CAPN1: variants seen among roughly 807,000 people sequenced by gnomAD.
CAPN1 encodes the protein calpain-1 catalytic subunit.
In CAPN1, 77 loss-of-function variants were observed where a neutral mutation model predicts 105.2. That is an observed-to-expected ratio of 0.73 (90% confidence interval 0.61 to 0.88). CAPN1 has a LOEUF of 0.88. Among genes scored for constraint, CAPN1 ranks in the 40% least tolerant of loss-of-function variants. The pLI, the probability that CAPN1 is intolerant of heterozygous loss-of-function variation, is 0.00. For missense variants in CAPN1, 833 were observed against 976.6 expected (o/e 0.85, Z 1.96); for synonymous variants, 355 against 388.8 (o/e 0.91, Z 1.02).
chr11:65,188,663 G>A lies in CAPN1; in HGVS notation c.1082G>A (p.Arg361Gln), dbSNP rs777274863. The change falls in exon 10 of 22, where the codon CGG (arginine) becomes CAG (glutamine). Residue 361 changes from arginine to glutamine, a missense_variant. Transcript: ENST00000279247. This position sits in a 1 kb window ranked among gnomAD's most constrained non-coding sequence, Gnocchi z 5.5. ...CNLTPDALKS[R>Q]TIRKWNTTLY... ...CTCACACCCGACGCCCTCAAGAGCC[G>A]GACCATCCGCAAATGGAACACCACA... 2.5e-5 allele frequency: 41 copies of A among 1,613,774 alleles called. No homozygotes were observed. Among genetic ancestry groups the A allele is most frequent in the African/African-American group, 1.9e-4 (14 of 75,012 alleles).
At position 65,188,316 on chromosome 11, in the gene CAPN1, C is replaced by A; in HGVS notation, c.930-98C>A. On this transcript the variant is annotated intron_variant, in intron 8 of 21. Coordinates refer to ENST00000279247, the MANE Select transcript of CAPN1 (RefSeq NM_005186.4). The surrounding 1 kb of genome is among the most constrained non-coding windows in gnomAD (Gnocchi z 5.5). Reference sequence around the variant, plus strand: ...CTTGACCTTGAGGAGGCCACCTGGGCTGGGCCGGGGGAAGACAGGCCAGGG... The same window carrying A: ...CTTGACCTTGAGGAGGCCACCTGGGATGGGCCGGGGGAAGACAGGCCAGGG... 1.8e-6 allele frequency: 2 copies of A among 1,142,416 alleles called. No individual in the cohort carries two copies. Among genetic ancestry groups the A allele is most frequent in the South Asian group, 1.4e-5 (1 of 70,870 alleles). 70.8% of individuals were successfully genotyped at this position (1,142,416 alleles called of 1,614,324 possible).
At chr11:65,185,643 G>GT (rs1192360872) in intron 4 of CAPN1, among the ~76,000 whole-genome samples, 2 of 149,992 alleles carry the variant, frequency 1.3e-5, no homozygotes, top group African/African-American at 4.9e-5. Context: ...CTAGATACAT[G>GT]TATCTAGTAT....
At chr11:65,200,266 C>T (rs968410736) in intron 10 of CAPN1, among the ~76,000 whole-genome samples, 1 of 151,990 alleles carries the variant, frequency 6.6e-6, no homozygotes, top group Non-Finnish European at 1.5e-5. Context: ...GTTTTGAGCT[C>T]CAGGACTCAT....
At chr11:65,187,597 C>T (rs187260166) in intron 7 of CAPN1, 17 of 497,520 alleles carry the variant, frequency 3.4e-5, no homozygotes, top group East Asian at 1.9e-4. Context: ...TGTTAAAGTG[C>T]GTGCATGGGC....
chr11:65,210,431 G>A lies in CAPN1; in HGVS notation c.2038G>A (p.Val680Met), dbSNP rs374329721. 8 of 1,610,998 alleles carry A rather than the reference G, an allele frequency of 5.0e-6. No individual in the cohort carries two copies. Among genetic ancestry groups the A allele is most frequent in the Non-Finnish European group, 6.8e-6 (8 of 1,178,138 alleles). ...VDFDNFVCCL[V>M]RLETMFRFFK... The stretch of plus-strand genomic sequence containing the variant: ...CTTTGACAATTTCGTTTGCTGCCTG[G>A]TGCGGCTAGAGACCATGTTCCGTGA... Residue 680 changes from valine (V) to methionine (M), a missense_variant, in exon 20 of 22, where the codon GTG becomes ATG. Coordinates refer to ENST00000279247, the MANE Select transcript of CAPN1 (RefSeq NM_005186.4). This position sits in a 1 kb window ranked among gnomAD's most constrained non-coding sequence, Gnocchi z 4.3.
chr11:65,193,320 C>T (rs996368425), intron 10 of CAPN1, among the ~76,000 whole-genome samples: 2 of 151,936 alleles, frequency 1.3e-5, no homozygotes, highest in African/African-American at 2.4e-5. Context: ...AATAATGTCC[C>T]CTTTTTATGC....
In CAPN1 at chr11:65,211,407, C is replaced by T. The variant is rs1949047713; in HGVS notation, c.*121C>T. Reference sequence around the variant, plus strand: ...TGCCTTCCTTGGAGCAGAGAGGCAGCCTCGTCCTCCTGTCCCCTCTCCTCC... The same window carrying T: ...TGCCTTCCTTGGAGCAGAGAGGCAGTCTCGTCCTCCTGTCCCCTCTCCTCC... On this transcript the variant is annotated 3_prime_UTR_variant, in exon 22 of 22. Coordinates refer to ENST00000279247, the MANE Select transcript of CAPN1 (RefSeq NM_005186.4). 2.3e-6 allele frequency: 2 copies of T among 873,238 alleles called. No individual in the cohort carries two copies. The highest frequency in any genetic ancestry group is 4.0e-5 in the Admixed American group (2 of 50,234). 54.1% of individuals were successfully genotyped at this position (873,238 alleles called of 1,614,324 possible).
In CAPN1 at chr11:65,188,344, G is replaced by A. The variant is rs1948667981; in HGVS notation, c.930-70G>A. 1 of 1,402,678 alleles carries A rather than the reference G, an allele frequency of 7.1e-7. No individual in the cohort carries two copies. The highest frequency in any genetic ancestry group is 9.9e-7 in the Non-Finnish European group (1 of 1,011,606). The allele number at this position is 1,402,678 out of a possible 1,614,324, so 86.9% of individuals were successfully genotyped here. A position where few individuals can be genotyped will look rare whatever the true frequency, so the allele number is the denominator to read the frequency against. ...GGCCGGGGGAAGACAGGCCAGGGTAGACAGGCCCCAGGGACAGAGGCCAGG... is the reference window on the plus strand; with the variant it reads ...GGCCGGGGGAAGACAGGCCAGGGTAAACAGGCCCCAGGGACAGAGGCCAGG... On this transcript the variant is annotated intron_variant, in intron 8 of 21. Coordinates refer to ENST00000279247, the MANE Select transcript of CAPN1 (RefSeq NM_005186.4). The surrounding 1 kb of genome is among the most constrained non-coding windows in gnomAD (Gnocchi z 5.5).
At chr11:65,182,237 G>A (rs907201621) in intron 1 of CAPN1, 7 of 81,202 alleles carry the variant, frequency 8.6e-5, no homozygotes, top group Admixed American at 3.0e-4. Context: ...CTGCTGCGGG[G>A]GCCTGAGGAG....
At chr11:65,200,107 T>A (rs1948846175) in intron 10 of CAPN1, among the ~76,000 whole-genome samples, 1 of 152,172 alleles carries the variant, frequency 6.6e-6, no homozygotes, top group Admixed American at 6.5e-5. Context: ...TGGAGTGCAA[T>A]GGCATAACCT....
rs534756892 is a variant in CAPN1 at position 65,208,779 on chromosome 11, C to CA, written c.1729+527dup. 1,117 of 198,596 alleles carry CA rather than the reference C, an allele frequency of 5.6e-3. 1 individual carries two copies. Among genetic ancestry groups the CA allele is most frequent in the African/African-American group, 0.012 (488 of 41,836 alleles). 12.3% of individuals were successfully genotyped at this position (198,596 alleles called of 1,614,324 possible). ...TGGGCAACAGAGCAAGACCCTGTCT[C>CA]AAAAAAAAAAGCAGGAGCAGCACCT... On this transcript the variant is annotated intron_variant, in intron 16 of 21. Transcript: ENST00000279247. The surrounding 1 kb of genome is among the most constrained non-coding windows in gnomAD (Gnocchi z 4.1).
At chr11:65,194,460 G>T (rs1948764093) in intron 10 of CAPN1, among the ~76,000 whole-genome samples, 1 of 152,104 alleles carries the variant, frequency 6.6e-6, no homozygotes, top group Admixed American at 6.5e-5. Flanking sequence ...CAGAAAATTT[G>T]CACTTTTAAT....
rs1388828864 is a variant in CAPN1 at position 65,188,920 on chromosome 11, C to G, written c.1165+174C>G. Among the ~76,000 whole-genome samples the G allele has an allele frequency of 6.6e-6, 1 of 152,224 alleles. No individual in the cohort carries two copies. The highest frequency in any genetic ancestry group is 2.4e-5 in the African/African-American group (1 of 41,454). ...GTAAATTTTAAAGAGGCATGCTTGA[C>G]TCACCGTCTTGGGGCCTGAGCCCAG... On this transcript the variant is annotated intron_variant, in intron 10 of 21. Transcript: ENST00000279247. The surrounding 1 kb of genome is among the most constrained non-coding windows in gnomAD (Gnocchi z 5.5).
At position 65,188,873 on chromosome 11, in the gene CAPN1, GA is replaced by G. The variant is rs1329902217; in HGVS notation, c.1165+128del. On this transcript the variant is annotated intron_variant, in intron 10 of 21. Transcript: ENST00000279247. The surrounding 1 kb of genome is among the most constrained non-coding windows in gnomAD (Gnocchi z 5.5). ...GCTGATCTCTTGAATTTGCTTTGAG[GA>G]GTAAAATATTAAATGTCCTAGTAAA... 3 of 807,460 alleles carry G rather than the reference GA, an allele frequency of 3.7e-6. No individual in the cohort carries two copies. Among genetic ancestry groups the G allele is most frequent in the Non-Finnish European group, 5.7e-6 (3 of 521,942 alleles). The allele number at this position is 807,460 out of a possible 1,614,324, so 50.0% of individuals were successfully genotyped here. A position where few individuals can be genotyped will look rare whatever the true frequency, so the allele number is the denominator to read the frequency against.
Position 65,188,322 on chromosome 11 carries a change from C to A in CAPN1, c.930-92C>A, listed in dbSNP as rs559491494. 24 of 1,192,980 alleles carry A rather than the reference C, an allele frequency of 2.0e-5. No individual in the cohort carries two copies. Among genetic ancestry groups the A allele is most frequent in the Non-Finnish European group, 2.9e-5 (24 of 835,062 alleles). The allele number at this position is 1,192,980 out of a possible 1,614,324, so 73.9% of individuals were successfully genotyped here. On this transcript the variant is annotated intron_variant, in intron 8 of 21. Transcript: ENST00000279247. The surrounding 1 kb of genome is among the most constrained non-coding windows in gnomAD (Gnocchi z 5.5). ...CTTGAGGAGGCCACCTGGGCTGGGC[C>A]GGGGGAAGACAGGCCAGGGTAGACA...
In CAPN1 at chr11:65,209,846, C is replaced by T. The variant is rs767188165; in HGVS notation, c.1795-3C>T. On this transcript the variant is annotated splice_region_variant and splice_polypyrimidine_tract_variant and intron_variant, in intron 17 of 21. Transcript: ENST00000279247. This position sits in a 1 kb window ranked among gnomAD's most constrained non-coding sequence, Gnocchi z 4.1. ...TGGAATTTCCTTCTTAACGGCCACCCAGCGTGATGGCAATGGGAAGCTGGG... is the reference window on the plus strand; with the variant it reads ...TGGAATTTCCTTCTTAACGGCCACCTAGCGTGATGGCAATGGGAAGCTGGG... 5.6e-6 allele frequency: 9 copies of T among 1,613,428 alleles called. No individual in the cohort carries two copies. In the South Asian group the frequency reaches 9.9e-5, roughly 18 times the overall value.
At chr11:65,198,698 A>G (rs1321304117) in intron 10 of CAPN1, among the ~76,000 whole-genome samples, 1 of 152,072 alleles carries the variant, frequency 6.6e-6, no homozygotes, top group Admixed American at 6.6e-5. Context: ...CACCCGAAAC[A>G]TATCCTTTTG....
In CAPN1 at chr11:65,188,094, C is replaced by T. The variant is rs888191897; in HGVS notation, c.929+54C>T. The stretch of plus-strand genomic sequence containing the variant: ...GCCTTGGGGAAACTGTTAGGTGCCC[C>T]GACATTTCTGCTCGGGACTCTACCA... On this transcript the variant is annotated intron_variant, in intron 8 of 21. Coordinates refer to ENST00000279247, the MANE Select transcript of CAPN1 (RefSeq NM_005186.4). The surrounding 1 kb of genome is among the most constrained non-coding windows in gnomAD (Gnocchi z 5.5). 30 of 1,263,810 alleles carry T rather than the reference C, an allele frequency of 2.4e-5. No homozygotes were observed. Among genetic ancestry groups the T allele is most frequent in the Non-Finnish European group, 2.9e-5 (26 of 904,860 alleles). The allele number at this position is 1,263,810 out of a possible 1,614,324, so 78.3% of individuals were successfully genotyped here.
At position 65,206,653 on chromosome 11, in the gene CAPN1, CAGAGA is replaced by C. The variant is rs1490561595; in HGVS notation, c.1549_1553del (p.Lys517CysfsTer8). On this transcript the variant is annotated frameshift_variant, in exon 13 of 22. Coordinates refer to ENST00000279247, the MANE Select transcript of CAPN1 (RefSeq NM_005186.4). LOFTEE classifies it high-confidence loss of function. ...GGCGACTTCGTGCTGCGCTTCTTCT[CAGAGA>C]AGAGTGCTGGGACTGTGTGAGTCAT... 6.2e-7 allele frequency: 1 copy of C among 1,613,378 alleles called. No homozygotes were observed. Among genetic ancestry groups the C allele is most frequent in the Admixed American group, 1.7e-5 (1 of 60,012 alleles).
Sources: gnomAD v4.1 joint callset for allele counts (sites outside exome capture counted in the v4.1 genomes callset) on GRCh38, gnomAD v4.1.1 for gene constraint, Gnocchi (gnomAD v3.1) non-coding constraint, MANE v1.5 for transcripts, NCBI Gene and HGNC (gene_info 2026-07-23, HGNC 2026-07-21) for gene names.